LRP12: variants seen among roughly 807,000 people sequenced by gnomAD.
LRP12 encodes the protein low-density lipoprotein receptor-related protein 12.
LRP12 carries 14 observed loss-of-function variants against 66.0 expected under a neutral mutation model. The ratio of observed to expected loss-of-function variants is 0.21; its 90% confidence interval spans 0.14 to 0.33. The LOEUF (loss-of-function observed/expected upper bound fraction) is 0.33, where lower values mean the gene tolerates loss of function less well. Among genes scored for constraint, LRP12 ranks in the 10% least tolerant of loss-of-function variants. The pLI is 1.00. For missense variants in LRP12, 889 were observed against 1,053.4 expected (o/e 0.84, Z 2.16); for synonymous variants, 357 against 359.1 (o/e 0.99, Z 0.07).
intron 2 of LRP12, among the ~76,000 whole-genome samples, chr8:104,521,128 A>T: frequency 6.6e-6 from 1 of 151,134 alleles, no homozygotes. Context: ...AAGTATTTTG[A>T]TTTTTTTTTC....
At chr8:104,547,840 T>G (rs1163426192) in intron 1 of LRP12, among the ~76,000 whole-genome samples, 4 of 120,158 alleles carry the variant, frequency 3.3e-5, no homozygotes, top group African/African-American at 1.2e-4. Context: ...AATATATAAT[T>G]CTATGTTATA....
intron 1 of LRP12, among the ~76,000 whole-genome samples, chr8:104,534,166 G>T (rs953650350): frequency 4.6e-5 from 7 of 151,334 alleles, no homozygotes; most frequent in African/African-American, 1.7e-4. Flanking sequence ...AATTATATAT[G>T]TACTAACTTG....
At chr8:104,548,593 A>C (rs13268287) in intron 1 of LRP12, among the ~76,000 whole-genome samples, 1 of 134,268 alleles carries the variant, frequency 7.4e-6, no homozygotes, top group South Asian at 2.2e-4. Flanking sequence ...TTTTGTATAT[A>C]ATATAGAATT....
chr8:104,517,379 T>C (rs1311294416), intron 2 of LRP12, among the ~76,000 whole-genome samples: 2 of 151,670 alleles, frequency 1.3e-5, no homozygotes, highest in African/African-American at 2.4e-5. Context: ...AGAAGAGAAG[T>C]TGGTAGAGCC....
Position 104,547,428 on chromosome 8 carries a change from C to CAATTCTGTTATATTTTGTATATAATATAT in LRP12, c.80-15494_80-15466dup, listed in dbSNP as rs1282336321. On this transcript the variant is annotated intron_variant, in intron 1 of 6. Transcript: ENST00000276654. Reference sequence around the variant, plus strand: ...TCTGTTATATTTTGTATATAATATACAATTCTGTTATATTTTGTATATAAT... The same window carrying CAATTCTGTTATATTTTGTATATAATATAT: ...TCTGTTATATTTTGTATATAATATACAATTCTGTTATATTTTGTATATAATATATAATTCTGTTATATTTTGTATATAAT... Among the ~76,000 whole-genome samples the CAATTCTGTTATATTTTGTATATAATATAT allele has an allele frequency of 3.9e-5, 5 of 128,468 alleles. No homozygotes were observed. In the East Asian group the frequency reaches 9.0e-4, roughly 23 times the overall value. The allele number at this position is 128,468 out of a possible 152,430, so 84.3% of individuals were successfully genotyped here.
intron 3 of LRP12, among the ~76,000 whole-genome samples, chr8:104,500,615 A>C (rs534996185): frequency 6.6e-6 from 1 of 152,312 alleles, no homozygotes; most frequent in Admixed American, 6.5e-5. Context: ...AGGCAGGAGA[A>C]TCTCTTGAAC....
At chr8:104,540,104 G>A (rs1480085986) in intron 1 of LRP12, among the ~76,000 whole-genome samples, 1 of 151,896 alleles carries the variant, frequency 6.6e-6, no homozygotes, top group Non-Finnish European at 1.5e-5. Flanking sequence ...AGGTAAGGGT[G>A]GGGGCTCTAT....
At chr8:104,545,588 C>T (rs1272588859) in intron 1 of LRP12, among the ~76,000 whole-genome samples, 1 of 152,126 alleles carries the variant, frequency 6.6e-6, no homozygotes, top group Non-Finnish European at 1.5e-5. Flanking sequence ...AGACCTTTAA[C>T]CAAGAGAAGA....
At chr8:104,549,707 T>C (rs1422306817) in intron 1 of LRP12, among the ~76,000 whole-genome samples, 3 of 152,130 alleles carry the variant, frequency 2.0e-5, no homozygotes, top group Non-Finnish European at 4.4e-5. Context: ...CGGCCTCCAC[T>C]TTTCTTAAAG....
chr8:104,561,511 A>G (rs999260080), intron 1 of LRP12, among the ~76,000 whole-genome samples: 3 of 152,148 alleles, frequency 2.0e-5, no homozygotes, highest in Non-Finnish European at 4.4e-5. Context: ...CATTACTTCC[A>G]CATTCATTAA....
In LRP12 at chr8:104,532,356, C is replaced by T. The variant is rs570423299; in HGVS notation, c.80-393G>A. Among the ~76,000 whole-genome samples the T allele has an allele frequency of 7.3e-5, 11 of 150,472 alleles. No individual in the cohort carries two copies. The East Asian group carries it at 2.1e-3, about 29-fold the overall frequency. ...CAAGTCGGTGTAATATCTGTCAGGG[C>T]CACATATGTTGGTACTTAAAAAAAA... On this transcript the variant is annotated intron_variant, in intron 1 of 6. Coordinates refer to ENST00000276654, the MANE Select transcript of LRP12 (RefSeq NM_013437.5).
At chr8:104,496,851 A>T (rs900701892) in intron 5 of LRP12, 121 bp downstream of exon 5, 1 of 964,652 alleles carries the variant, frequency 1.0e-6, no homozygotes, top group Non-Finnish European at 1.4e-6. Context: ...CATCATCAAC[A>T]ATCTTTATCC....
chr8:104,499,121 T>C (rs1443546895), intron 4 of LRP12, among the ~76,000 whole-genome samples, 196 bp downstream of exon 4: 2 of 152,212 alleles, frequency 1.3e-5, no homozygotes, highest in African/African-American at 4.8e-5. Context: ...AGTTAATCAT[T>C]TTGTTAGAAT....
In LRP12 at chr8:104,588,994, C is replaced by CCGA; in HGVS notation, c.-98_-97insTCG. 1.1e-6 allele frequency: 1 copy of CCGA among 902,672 alleles called. No homozygotes were observed. Among genetic ancestry groups the CCGA allele is most frequent in the Non-Finnish European group, 1.6e-6 (1 of 607,352 alleles). The allele number at this position is 902,672 out of a possible 1,614,324, so 55.9% of individuals were successfully genotyped here. On this transcript the variant is annotated 5_prime_UTR_variant, in exon 1 of 7. Transcript: ENST00000276654. ...GACGCCGCCGCCGCCGCCGCCGCCG[C>CCGA]CGCCGAGCCACCGGCTGCTCCCTGC...
chr8:104,547,624 T>TATATAATAAATATATATTAATAATTAAA (rs1343343570), intron 1 of LRP12, among the ~76,000 whole-genome samples: 1 of 126,026 alleles, frequency 7.9e-6, no homozygotes, highest in Non-Finnish European at 1.6e-5. Context: ...AATATATTAA[T>TATATAATAAATATATATTAATAATTAAA]ATATAATAAA....
chr8:104,585,532 CTA>C (rs1375316192), intron 1 of LRP12, among the ~76,000 whole-genome samples: 7 of 152,090 alleles, frequency 4.6e-5, no homozygotes, highest in African/African-American at 1.7e-4. Flanking sequence ...GGCCTCTAAA[CTA>C]TATTTTAAGG....
At chr8:104,574,386 T>C (rs7004507) in intron 1 of LRP12, among the ~76,000 whole-genome samples, 20,119 of 152,234 alleles carry the variant, frequency 0.13, 1,890 homozygotes, top group African/African-American at 0.27. Flanking sequence ...GTTTGGAAAC[T>C]GCTGCTAAAC....
chr8:104,506,168 G>T (rs545892474), intron 3 of LRP12: 2 of 151,770 alleles, frequency 1.3e-5, no homozygotes, highest in Non-Finnish European at 2.9e-5. Context: ...TCTGATAGCT[G>T]TACTTTAACA....
In LRP12 at chr8:104,496,972, C is replaced by G. The variant is rs1192365892; in HGVS notation, c.1580G>C (p.Arg527Thr). The G allele has an allele frequency of 6.6e-7, 1 of 1,518,678 alleles. No individual in the cohort carries two copies. Among genetic ancestry groups the G allele is most frequent in the East Asian group, 2.3e-5 (1 of 43,956 alleles). 94.1% of individuals were successfully genotyped at this position (1,518,678 alleles called of 1,614,324 possible). A position where few individuals can be genotyped will look rare whatever the true frequency, so the allele number is the denominator to read the frequency against. ...CCAATAGTTCTGTCTTGATACTGAC[C>G]TTCTTTCAAACATTCTCAGAGAATA... ...KLYSLRMFER[R>T]SFETQLSRVE... The change falls in exon 5 of 7, where the codon AGA becomes ACA. Residue 527 changes from arginine to threonine, a missense_variant and splice_region_variant. Transcript: ENST00000276654.
Sources: gnomAD v4.1 joint callset for allele counts (sites outside exome capture counted in the v4.1 genomes callset) on GRCh38, gnomAD v4.1.1 for gene constraint, MANE v1.5 for transcripts, NCBI Gene and HGNC (gene_info 2026-07-23, HGNC 2026-07-21) for gene names.